Variants in EXOC4 observed in about 807,000 individuals in gnomAD.
EXOC4 encodes the protein SEC8-like 1.
A neutral mutation model predicts 107.2 loss-of-function variants in EXOC4; 71 were observed. The ratio of observed to expected loss-of-function variants is 0.66; its 90% CI spans 0.55 to 0.81. The LOEUF (loss-of-function observed/expected upper bound fraction) is 0.81, where lower values mean the gene tolerates loss of function less well. Ranked by LOEUF, EXOC4 falls within the 30% of genes least tolerant of loss-of-function variation. The pLI, the probability that EXOC4 is intolerant of heterozygous loss-of-function variation, is 0.00. For missense variants in EXOC4, 1,108 were observed against 1,189.6 expected, an observed-to-expected ratio of 0.93 and a Z score of 1.01; for synonymous variants, 456 against 441.2, an observed-to-expected ratio of 1.03 and a Z score of -0.42.
chr7:133,699,174 CT>C (rs532063696), intron 10 of EXOC4, among the ~76,000 whole-genome samples: 111 of 152,268 alleles, frequency 7.3e-4, no homozygotes, highest in African/African-American at 2.6e-3. Context: ...ACTCTTCTCT[CT>C]GTTTGGAATT....
intron 10 of EXOC4, among the ~76,000 whole-genome samples, chr7:133,735,853 G>A (rs2151122496): frequency 6.6e-6 from 1 of 152,194 alleles, no homozygotes; most frequent in African/African-American, 2.4e-5. Context: ...TTGGGAGGCC[G>A]AGGCAGGCAG....
intron 14 of EXOC4, among the ~76,000 whole-genome samples, chr7:133,964,569 AC>A (rs1801019585): frequency 6.6e-6 from 1 of 152,164 alleles, no homozygotes; most frequent in Admixed American, 6.5e-5. Context: ...ATGAGTGAGA[AC>A]ATGCGGTGTT....
intron 10 of EXOC4, among the ~76,000 whole-genome samples, chr7:133,736,169 C>T (rs1389583757): frequency 6.6e-6 from 1 of 152,156 alleles, no homozygotes; most frequent in African/African-American, 2.4e-5. Flanking sequence ...CTCTCCTTAT[C>T]CTAAAGAAAC....
the EXOC4 span, among the ~76,000 whole-genome samples, chr7:134,078,877 T>TC: frequency 2.6e-5 from 4 of 152,308 alleles, no homozygotes; most frequent in African/African-American, 9.6e-5. Context: ...GTATTAACTG[T>TC]CATCATTTTC....
intron 11 of EXOC4, among the ~76,000 whole-genome samples, chr7:133,857,793 C>G (rs1798449476): frequency 6.6e-6 from 1 of 152,158 alleles, no homozygotes; most frequent in Non-Finnish European, 1.5e-5. Flanking sequence ...CCAGCAACCA[C>G]AGAGCCCCAA....
At chr7:133,294,552 A>C (rs1037698035) in intron 3 of EXOC4, among the ~76,000 whole-genome samples, 1 of 152,084 alleles carries the variant, frequency 6.6e-6, no homozygotes, top group African/African-American at 2.4e-5. Context: ...TATGCCTTTT[A>C]AAAAGAATCC....
intron 14 of EXOC4, among the ~76,000 whole-genome samples, chr7:133,975,109 A>G: frequency 6.6e-6 from 1 of 152,164 alleles, no homozygotes; most frequent in East Asian, 1.9e-4. Flanking sequence ...AGTGTGGGAA[A>G]TATTTTGTGG....
intron 17 of EXOC4, among the ~76,000 whole-genome samples, chr7:134,051,139 G>A (rs1795776923): frequency 6.6e-6 from 1 of 152,120 alleles, no homozygotes; most frequent in Non-Finnish European, 1.5e-5. Context: ...ACCTGACAAG[G>A]GCAGCTGATA....
the EXOC4 span, among the ~76,000 whole-genome samples, chr7:134,093,507 AC>A: frequency 7.1e-4 from 108 of 152,320 alleles, 1 homozygote; most frequent in Middle Eastern, 3.4e-3. Context: ...ACAGCATTAC[AC>A]AGGTCATCGA....
At chr7:133,997,718 A>G (rs1309839661) in intron 15 of EXOC4, 85 bp downstream of exon 15, 76 of 1,453,454 alleles carry the variant, frequency 5.2e-5, no homozygotes, top group South Asian at 4.5e-4. Context: ...CAGTATCACC[A>G]TAATTTCTGG....
At chr7:133,284,598 C>A (rs894971276) in intron 2 of EXOC4, among the ~76,000 whole-genome samples, 5 of 152,164 alleles carry the variant, frequency 3.3e-5, no homozygotes, top group Admixed American at 2.6e-4. Context: ...GTGGCCCGAT[C>A]TCGGCTCACT....
At chr7:133,437,876 A>C (rs1798011974) in intron 7 of EXOC4, among the ~76,000 whole-genome samples, 1 of 152,182 alleles carries the variant, frequency 6.6e-6, no homozygotes, top group Non-Finnish European at 1.5e-5. Context: ...AAAAAGAATT[A>C]GTTCAGTTTC....
At chr7:133,493,963 G>C (rs1216846332) in intron 9 of EXOC4, among the ~76,000 whole-genome samples, 2 of 152,168 alleles carry the variant, frequency 1.3e-5, no homozygotes, top group Non-Finnish European at 2.9e-5. Flanking sequence ...AATAATTTAG[G>C]ACGGTTGGAA....
At chr7:133,553,708 G>T (rs2150943992) in intron 9 of EXOC4, among the ~76,000 whole-genome samples, 1 of 152,240 alleles carries the variant, frequency 6.6e-6, no homozygotes, top group Middle Eastern at 3.4e-3. Flanking sequence ...ATAGATAATG[G>T]TAGGAATGGG....
chr7:133,445,610 C>G (rs1355748832), intron 7 of EXOC4, among the ~76,000 whole-genome samples: 1 of 123,014 alleles, frequency 8.1e-6, no homozygotes, highest in African/African-American at 3.3e-5. Flanking sequence ...GAGGCCTGGA[C>G]AGTTACTACA....
At chr7:133,485,692 A>G (rs1474829859) in intron 9 of EXOC4, among the ~76,000 whole-genome samples, 1 of 152,166 alleles carries the variant, frequency 6.6e-6, no homozygotes, top group East Asian at 1.9e-4. Flanking sequence ...GGTACATTTC[A>G]GTACCTAGGA....
At chr7:133,298,015 A>G (rs1794557444) in intron 3 of EXOC4, among the ~76,000 whole-genome samples, 1 of 152,160 alleles carries the variant, frequency 6.6e-6, no homozygotes, top group Non-Finnish European at 1.5e-5. Flanking sequence ...GTTTGTGTAA[A>G]TTGCAGCTGA....
At chr7:134,006,116 T>G (rs1302246251) in intron 16 of EXOC4, among the ~76,000 whole-genome samples, 1 of 152,202 alleles carries the variant, frequency 6.6e-6, no homozygotes, top group Non-Finnish European at 1.5e-5. Flanking sequence ...TACACCGAGT[T>G]TCCTCTGTGC....
intron 5 of EXOC4, among the ~76,000 whole-genome samples, chr7:133,320,908 G>A (rs189030350): frequency 6.6e-6 from 1 of 152,274 alleles, no homozygotes; most frequent in Admixed American, 6.5e-5. Flanking sequence ...ATAAAAAGCA[G>A]GAATTTTGTC....
Sources: allele counts gnomAD v4.1 joint callset (sites outside exome capture counted in the v4.1 genomes callset), GRCh38; gene constraint gnomAD v4.1.1; transcripts MANE v1.5; gene names NCBI Gene and HGNC (gene_info 2026-07-23, HGNC 2026-07-21).